IER2: variants seen among roughly 807,000 people sequenced by gnomAD.
IER2 encodes immediate early response gene 2 protein.
For missense variants in IER2, 372 were observed against 325.4 expected, an observed-to-expected ratio of 1.14 and a Z score of -1.10; for synonymous variants, 198 against 149.6, an observed-to-expected ratio of 1.32 and a Z score of -2.36.
Position 13,153,200 on chromosome 19 carries a change from A to G in IER2, c.14A>G (p.Lys5Arg), listed in dbSNP as rs1370414467. The G allele has an allele frequency of 4.6e-6, 7 of 1,513,114 alleles. No homozygotes were observed. The highest frequency in any genetic ancestry group is 6.2e-6 in the Non-Finnish European group (7 of 1,130,198). The allele number at this position is 1,513,114 out of a possible 1,614,324, so 93.7% of individuals were successfully genotyped here. A position where few individuals can be genotyped will look rare whatever the true frequency, so the allele number is the denominator to read the frequency against. Residue 5 changes from lysine to arginine, a missense_variant, in exon 2 of 2, where the codon AAA becomes AGA. Physicochemically the swap from Lys to Arg is conservative, Grantham distance 26 (BLOSUM62 2). Coordinates refer to ENST00000292433, the MANE Select transcript of IER2 (RefSeq NM_004907.3). Reference sequence around the variant, plus strand: ...CGTCGAGTCGCCATGGAAGTGCAGAAAGAGGCACAGCGCATCATGACCCTG... The same window carrying G: ...CGTCGAGTCGCCATGGAAGTGCAGAGAGAGGCACAGCGCATCATGACCCTG... MEVQ[K>R]EAQRIMTLSV...
chr19:13,151,131 A>G (rs1315063470), intron 1 of IER2, among the ~76,000 whole-genome samples: 1 of 151,460 alleles, frequency 6.6e-6, no homozygotes, highest in Non-Finnish European at 1.5e-5. Context: ...TTTTTGAGTG[A>G]TAGGGGGCCT....
Position 13,153,712 on chromosome 19 carries a change from C to T in IER2, c.526C>T (p.Arg176Cys), listed in dbSNP as rs750783718. 5.6e-6 allele frequency: 9 copies of T among 1,609,708 alleles called. No individual in the cohort carries two copies. The highest frequency in any genetic ancestry group is 7.6e-6 in the Non-Finnish European group (9 of 1,179,544). Residue 176 changes from arginine to cysteine, a missense_variant, in exon 2 of 2, where the codon CGC (arginine) becomes TGC (cysteine). Arg to Cys is a radical substitution (Grantham distance 180). Coordinates refer to ENST00000292433, the MANE Select transcript of IER2 (RefSeq NM_004907.3). ...GGAGGGCGCCTTTCCCAACCTGGCC[C>T]GCGTCCTGCAGAGGCGCTTCTCCGG... Reference protein sequence around the residue: ...QAEGAFPNLARVLQRRFSGLL... With the variant: ...QAEGAFPNLACVLQRRFSGLL...
Position 13,153,786 on chromosome 19 carries a change from C to G in IER2, c.600C>G (p.Cys200Trp). Residue 200 changes from cysteine to tryptophan, a missense_variant, in exon 2 of 2, where the codon TGC becomes TGG. By Grantham distance (215) the Cys-to-Trp change is radical (BLOSUM62 -2). Coordinates refer to ENST00000292433, the MANE Select transcript of IER2 (RefSeq NM_004907.3). ...PAAPPTAPPA[C>W]EAKPACRPAD... ...CCCCTCCGACGGCGCCGCCCGCGTGCGAGGCAAAGCCCGCTTGCCGCCCGG... is the reference window on the plus strand; with the variant it reads ...CCCCTCCGACGGCGCCGCCCGCGTGGGAGGCAAAGCCCGCTTGCCGCCCGG... 6.5e-7 allele frequency: 1 copy of G among 1,540,192 alleles called. No homozygotes were observed. Among genetic ancestry groups the G allele is most frequent in the South Asian group, 1.2e-5 (1 of 83,912 alleles).
chr19:13,151,328 A>T (rs1600029916), intron 1 of IER2, among the ~76,000 whole-genome samples: 1 of 150,878 alleles, frequency 6.6e-6, no homozygotes, highest in East Asian at 2.0e-4. Context: ...GCAGTCTGGC[A>T]CCATCGTTGA....
rs200036645 is a variant in IER2, at chr19:13,153,493, A to G, written c.307A>G (p.Thr103Ala). 2 of 1,585,668 alleles carry G rather than the reference A, an allele frequency of 1.3e-6. No individual in the cohort carries two copies. The highest frequency in any genetic ancestry group is 4.6e-5 in the East Asian group (2 of 43,082). The change falls in exon 2 of 2, where the codon ACA becomes GCA. Residue 103 changes from threonine (T) to alanine (A), a missense_variant. Coordinates refer to ENST00000292433, the MANE Select transcript of IER2 (RefSeq NM_004907.3). ...PEPMDTQEAP[T>A]AEETSACCAP... ...GCCAATGGACACGCAGGAGGCGCCG[A>G]CAGCCGAGGAGACCTCCGCCTGCTG...
chr19:13,154,025 C>A lies in IER2; in HGVS notation c.*167C>A. On this transcript the variant is annotated 3_prime_UTR_variant, in exon 2 of 2. Coordinates refer to ENST00000292433, the MANE Select transcript of IER2 (RefSeq NM_004907.3). ...TGAGAGGCCCGGAGAGGGACTCTGT[C>A]CCCGGGGAGCCATCGCCTTCAGTGT... The A allele has an allele frequency of 3.4e-6, 2 of 595,558 alleles. No homozygotes were observed. Among genetic ancestry groups the A allele is most frequent in the Non-Finnish European group, 2.8e-6 (1 of 356,948 alleles). 36.9% of individuals were successfully genotyped at this position (595,558 alleles called of 1,614,324 possible).
chr19:13,150,887 G>C lies in IER2; in HGVS notation c.-244+335G>C, dbSNP rs1200254333. Among the ~76,000 whole-genome samples, 1 of 152,148 alleles carries C rather than the reference G, an allele frequency of 6.6e-6. No individual in the cohort carries two copies. Among genetic ancestry groups the C allele is most frequent in the East Asian group, 1.9e-4 (1 of 5,186 alleles). On this transcript the variant is annotated intron_variant, in intron 1 of 1. Transcript: ENST00000292433. The surrounding 1 kb of genome is among the most constrained non-coding windows in gnomAD (Gnocchi z 4.0). ...GGGGGTCCCAGATATGCCAGCAGCG[G>C]GGGGAGGTCACCTTTGAGAAAGTGC...
Position 13,154,143 on chromosome 19 carries a change from G to T in IER2, c.*285G>T, listed in dbSNP as rs895163291. 2 of 434,436 alleles carry T rather than the reference G, an allele frequency of 4.6e-6. No individual in the cohort carries two copies. The highest frequency in any genetic ancestry group is 8.4e-6 in the Non-Finnish European group (2 of 238,510). The allele number at this position is 434,436 out of a possible 1,614,324, so 26.9% of individuals were successfully genotyped here. A position where few individuals can be genotyped will look rare whatever the true frequency, so the allele number is the denominator to read the frequency against. On this transcript the variant is annotated 3_prime_UTR_variant, in exon 2 of 2. Transcript: ENST00000292433. ...GTGCTGTCTTAGTGGACTGGGACGT[G>T]AACCTTTCGCTCTCCTTCTGGACTG...
intron 1 of IER2, among the ~76,000 whole-genome samples, chr19:13,151,809 C>T (rs1008780541): frequency 2.0e-5 from 3 of 151,850 alleles, no homozygotes; most frequent in Non-Finnish European, 2.9e-5. Flanking sequence ...GCGCCCCCCC[C>T]CCGGAAGCCC....
In IER2 at chr19:13,153,942, C is replaced by G; in HGVS notation, c.*84C>G. 1 of 1,236,108 alleles carries G rather than the reference C, an allele frequency of 8.1e-7. No homozygotes were observed. The highest frequency in any genetic ancestry group is 1.1e-6 in the Non-Finnish European group (1 of 935,866). The allele number at this position is 1,236,108 out of a possible 1,614,324, so 76.6% of individuals were successfully genotyped here. On this transcript the variant is annotated 3_prime_UTR_variant, in exon 2 of 2. Transcript: ENST00000292433. ...GCAGACCTGAGGCGAGGCCACCCCC[C>G]TCCATCCTGGGGGAAGCGCCCGCGA...
rs920768325 is a variant in IER2 at position 13,153,929 on chromosome 19, C to T, written c.*71C>T. ...TCGGCCCGAGGGCGCAGACCTGAGG[C>T]GAGGCCACCCCCCTCCATCCTGGGG... On this transcript the variant is annotated 3_prime_UTR_variant, in exon 2 of 2. Coordinates refer to ENST00000292433, the MANE Select transcript of IER2 (RefSeq NM_004907.3). 1.6e-5 allele frequency: 20 copies of T among 1,285,092 alleles called. No individual in the cohort carries two copies. Among genetic ancestry groups the T allele is most frequent in the Admixed American group, 3.8e-5 (1 of 26,314 alleles). 79.6% of individuals were successfully genotyped at this position (1,285,092 alleles called of 1,614,324 possible).
chr19:13,153,375 C>T lies in IER2; in HGVS notation c.189C>T (p.Ala63=), dbSNP rs767985418. The change falls in exon 2 of 2, where the codon GCC becomes GCT. Residue 63 remains alanine, a synonymous_variant. Transcript: ENST00000292433. Reference sequence around the variant, plus strand: ...TCGAGCCCGAGGTGTCGTTGCCGGCCGCCCTCCCCTCTGACCCTCGCCTGC... The same window carrying T: ...TCGAGCCCGAGGTGTCGTTGCCGGCTGCCCTCCCCTCTGACCCTCGCCTGC... ...EALEPEVSLP[A]ALPSDPRLHP... is the part of the protein sequence containing the mutation. 1 of 1,589,648 alleles carries T rather than the reference C, an allele frequency of 6.3e-7. No homozygotes were observed. The highest frequency in any genetic ancestry group is 1.1e-5 in the South Asian group (1 of 88,992).
Position 13,153,942 on chromosome 19 carries a change from C to CAGGA in IER2, c.*84_*85insAGGA. ...GCAGACCTGAGGCGAGGCCACCCCC[C>CAGGA]TCCATCCTGGGGGAAGCGCCCGCGA... On this transcript the variant is annotated 3_prime_UTR_variant, in exon 2 of 2. Transcript: ENST00000292433. 1 of 1,236,104 alleles carries CAGGA rather than the reference C, an allele frequency of 8.1e-7. No homozygotes were observed. Among genetic ancestry groups the CAGGA allele is most frequent in the Non-Finnish European group, 1.1e-6 (1 of 935,862 alleles). 76.6% of individuals were successfully genotyped at this position (1,236,104 alleles called of 1,614,324 possible). A position where few individuals can be genotyped will look rare whatever the true frequency, so the allele number is the denominator to read the frequency against.
At position 13,154,006 on chromosome 19, in the gene IER2, GCCCGGAGAGGGACTCTGTC is replaced by G. The variant is rs2020099942; in HGVS notation, c.*154_*172del. ...AAGCCGCCGCCCGGGCTGCTGAGAG[GCCCGGAGAGGGACTCTGTC>G]CCCGGGGAGCCATCGCCTTCAGTGT... is the stretch of plus-strand genomic sequence containing the variant. On this transcript the variant is annotated 3_prime_UTR_variant, in exon 2 of 2. Transcript: ENST00000292433. 3.1e-6 allele frequency: 2 copies of G among 645,298 alleles called. No homozygotes were observed. The highest frequency in any genetic ancestry group is 5.0e-6 in the Non-Finnish European group (2 of 399,944). 40.0% of individuals were successfully genotyped at this position (645,298 alleles called of 1,614,324 possible). A position where few individuals can be genotyped will look rare whatever the true frequency, so the allele number is the denominator to read the frequency against.
rs985215476 is a variant in IER2 at position 13,153,874 on chromosome 19, C to A, written c.*16C>A. The A allele has an allele frequency of 3.0e-5, 42 of 1,407,198 alleles. No individual in the cohort carries two copies. The highest frequency in any genetic ancestry group is 3.7e-5 in the Non-Finnish European group (40 of 1,086,790). 87.2% of individuals were successfully genotyped at this position (1,407,198 alleles called of 1,614,324 possible). On this transcript the variant is annotated 3_prime_UTR_variant, in exon 2 of 2. Transcript: ENST00000292433. ...GGCCTTCTGAGGACCCCGAGCGGCG[C>A]TGCCGGAGCCCAGAGCGCGCGTCGA...
In IER2 at chr19:13,150,897, A is replaced by T. The variant is rs1209634478; in HGVS notation, c.-244+345A>T. 2.0e-5 allele frequency among the ~76,000 whole-genome samples: 3 copies of T among 151,730 alleles called. No homozygotes were observed. Among genetic ancestry groups the T allele is most frequent in the African/African-American group, 4.8e-5 (2 of 41,268 alleles). On this transcript the variant is annotated intron_variant, in intron 1 of 1. Coordinates refer to ENST00000292433, the MANE Select transcript of IER2 (RefSeq NM_004907.3). This position sits in a 1 kb window ranked among gnomAD's most constrained non-coding sequence, Gnocchi z 4.0. ...GATATGCCAGCAGCGGGGGGAGGTC[A>T]CCTTTGAGAAAGTGCGTGGAGGTGG...
In IER2 at chr19:13,153,250, C is replaced by T. The variant is rs776836738; in HGVS notation, c.64C>T (p.Arg22Cys). The T allele has an allele frequency of 6.3e-7, 1 of 1,581,496 alleles. No homozygotes were observed. Among genetic ancestry groups the T allele is most frequent in the Non-Finnish European group, 8.6e-7 (1 of 1,164,192 alleles). The change falls in exon 2 of 2, where the codon CGC (arginine) becomes TGC (cysteine). Residue 22 changes from arginine to cysteine, a missense_variant. Arg to Cys is a radical substitution (Grantham distance 180). Transcript: ENST00000292433. The stretch of plus-strand genomic sequence containing the variant: ...GTCGGTGTGGAAGATGTATCACTCC[C>T]GCATGCAGCGCGGTGGCCTGCGGCT... ...TLSVWKMYHSRMQRGGLRLHR... is the reference protein window; with the variant it reads ...TLSVWKMYHSCMQRGGLRLHR...
chr19:13,152,904 C>T, intron 1 of IER2, 40 bp from the exon 2 acceptor site: 1 of 260,176 alleles, frequency 3.8e-6, no homozygotes, highest in Non-Finnish European at 7.3e-6. Context: ...GGTTCCCGTC[C>T]CCTTTCCCTG....
At position 13,153,562 on chromosome 19, in the gene IER2, A is replaced by G; in HGVS notation, c.376A>G (p.Ser126Gly). Residue 126 changes from serine (S) to glycine (G), a missense_variant, in exon 2 of 2, where the codon AGC (serine) becomes GGC (glycine). Transcript: ENST00000292433. ...AKVSRKRRSS[S>G]LSDGGDAGLV... ...AGTCAGCCGCAAACGACGCAGCAGC[A>G]GCCTGAGCGACGGCGGGGACGCTGG... 6.3e-7 allele frequency: 1 copy of G among 1,597,272 alleles called. No homozygotes were observed. The highest frequency in any genetic ancestry group is 8.5e-7 in the Non-Finnish European group (1 of 1,172,354).
Sources: gnomAD v4.1 joint callset for allele counts (sites outside exome capture counted in the v4.1 genomes callset) on GRCh38, gnomAD v4.1.1 for gene constraint, Gnocchi (gnomAD v3.1) non-coding constraint, MANE v1.5 for transcripts, NCBI Gene and HGNC (gene_info 2026-07-23, HGNC 2026-07-21) for gene names.